AP1S3: variants seen among roughly 807,000 people sequenced by gnomAD.
AP1S3 encodes adaptor related protein complex 1 subunit sigma 3.
In AP1S3, 10 loss-of-function variants were observed where a neutral mutation model predicts 20.9. That is an observed-to-expected ratio of 0.48 (90% confidence interval 0.29 to 0.81). The LOEUF (loss-of-function observed/expected upper bound fraction) is 0.81. AP1S3 is among the 30% of genes least tolerant of loss of function. AP1S3 has a pLI of 0.08. For synonymous variants in AP1S3, 41 were observed against 61.5 expected (o/e 0.67, Z 1.56); for missense variants, 154 against 183.8 (o/e 0.84, Z 0.94).
intron 1 of AP1S3, among the ~76,000 whole-genome samples, chr2:223,785,978 A>G (rs904840323): frequency 7.2e-5 from 11 of 152,376 alleles, no homozygotes; most frequent in Admixed American, 2.6e-4. Flanking sequence ...GAGAGGAGTC[A>G]GTATAGGCTC....
At chr2:223,829,847 A>C (rs546349812) in intron 1 of AP1S3, among the ~76,000 whole-genome samples, 2 of 123,170 alleles carry the variant, frequency 1.6e-5, no homozygotes, top group African/African-American at 6.6e-5. Context: ...AAAAAAAAAC[A>C]AAAAAAAAAC....
intron 1 of AP1S3, among the ~76,000 whole-genome samples, chr2:223,827,297 A>G (rs755840714): frequency 2.0e-5 from 3 of 152,200 alleles, no homozygotes; most frequent in Non-Finnish European, 2.9e-5. Flanking sequence ...AAAAAGTTCT[A>G]TACAGACTTC....
chr2:223,818,347 G>A (rs564089487), intron 1 of AP1S3, among the ~76,000 whole-genome samples: 81 of 151,578 alleles, frequency 5.3e-4, no homozygotes, highest in African/African-American at 1.8e-3. Flanking sequence ...AGTCCAGGAG[G>A]CAGAGGTTGC....
At chr2:223,805,965 C>T (rs1300362460) in intron 1 of AP1S3, among the ~76,000 whole-genome samples, 1 of 152,138 alleles carries the variant, frequency 6.6e-6, no homozygotes, top group African/African-American at 2.4e-5. Flanking sequence ...GGAGTTGGCA[C>T]TCCACTAAGA....
chr2:223,836,733 A>C lies in AP1S3; in HGVS notation c.3+715T>G, dbSNP rs559613523. Reference sequence around the variant, plus strand: ...GACAGAGCGAGATCAGTCTCAAAAAAACAAAAGTGCACAACGGGTAAGGTC... The same window carrying C: ...GACAGAGCGAGATCAGTCTCAAAAACACAAAAGTGCACAACGGGTAAGGTC... On this transcript the variant is annotated intron_variant, in intron 1 of 4. Coordinates refer to ENST00000396654, the MANE Select transcript of AP1S3 (RefSeq NM_001039569.2). 3.9e-5 allele frequency among the ~76,000 whole-genome samples: 6 copies of C among 152,330 alleles called. No individual in the cohort carries two copies. In the East Asian group the frequency reaches 9.7e-4, roughly 25 times the overall value.
intron 1 of AP1S3, among the ~76,000 whole-genome samples, chr2:223,818,436 G>A (rs62185132): frequency 0.33 from 48,294 of 148,366 alleles, 8,196 homozygotes; most frequent in Middle Eastern, 0.42. Context: ...AAAAAAAAAT[G>A]TCCAAGGTTC....
At chr2:223,823,187 C>T (rs1692032288) in intron 1 of AP1S3, among the ~76,000 whole-genome samples, 1 of 152,074 alleles carries the variant, frequency 6.6e-6, no homozygotes, top group Non-Finnish European at 1.5e-5. Flanking sequence ...TCAAGGCCCC[C>T]CAAAAATATT....
chr2:223,815,935 C>A (rs1168595930), intron 1 of AP1S3, among the ~76,000 whole-genome samples: 1 of 152,122 alleles, frequency 6.6e-6, no homozygotes, highest in Non-Finnish European at 1.5e-5. Context: ...CACAGTGAAA[C>A]CACATCTGTA....
chr2:223,804,126 T>C (rs1691528044), intron 1 of AP1S3, among the ~76,000 whole-genome samples: 1 of 152,284 alleles, frequency 6.6e-6, no homozygotes, highest in East Asian at 1.9e-4. Flanking sequence ...CAGGTAAAGC[T>C]AGACATGTGA....
rs1690444567 is a variant in AP1S3, at chr2:223,765,087, A to G, written c.429+126T>C. 12 of 1,350,114 alleles carry G rather than the reference A, an allele frequency of 8.9e-6. No homozygotes were observed. The South Asian group carries it at 1.8e-4, about 20-fold the overall frequency. 83.6% of individuals were successfully genotyped at this position (1,350,114 alleles called of 1,614,324 possible). ...GAGGATTAAATAAGCTAATACATAT[A>G]AATAGTTTAGAAACTGTACCCAGCA... On this transcript the variant is annotated intron_variant, in intron 4 of 4. Transcript: ENST00000396654.
At chr2:223,822,000 T>C (rs1308383643) in intron 1 of AP1S3, among the ~76,000 whole-genome samples, 2 of 151,990 alleles carry the variant, frequency 1.3e-5, no homozygotes, top group Admixed American at 6.6e-5. Flanking sequence ...CACAGCTGAG[T>C]ATAGAAACGA....
At chr2:223,761,937 C>A (rs990900367) in intron 4 of AP1S3, among the ~76,000 whole-genome samples, 4 of 152,076 alleles carry the variant, frequency 2.6e-5, no homozygotes, top group Non-Finnish European at 1.5e-5. Flanking sequence ...TATTGCAAGT[C>A]CTGTGGTTAA....
intron 1 of AP1S3, among the ~76,000 whole-genome samples, chr2:223,807,128 A>T (rs1446565939): frequency 1.3e-5 from 2 of 152,036 alleles, no homozygotes; most frequent in African/African-American, 4.8e-5. Flanking sequence ...TTAGACAGGC[A>T]TGGTGGTGCA....
rs376659413 is a variant in AP1S3, at chr2:223,787,734, C to T, written c.4-9865G>A. ...TCTAGAGACTACAGCTAAGTGAAAA[C>T]GCACATGCATATGCAACACACACAC... On this transcript the variant is annotated intron_variant, in intron 1 of 4. Transcript: ENST00000396654. 5.3e-5 allele frequency among the ~76,000 whole-genome samples: 8 copies of T among 151,576 alleles called. No homozygotes were observed. The East Asian group carries it at 5.8e-4, about 11-fold the overall frequency.
chr2:223,787,221 C>A (rs1411197771), intron 1 of AP1S3, among the ~76,000 whole-genome samples: 2 of 152,192 alleles, frequency 1.3e-5, no homozygotes, highest in African/African-American at 4.8e-5. Flanking sequence ...GAGGCCTCCC[C>A]AGAAGCAGAA....
chr2:223,825,570 T>A (rs756376128), intron 1 of AP1S3, among the ~76,000 whole-genome samples: 7 of 152,280 alleles, frequency 4.6e-5, no homozygotes, highest in Non-Finnish European at 7.4e-5. Context: ...ATTATATAAT[T>A]TAACAACATA....
intron 1 of AP1S3, among the ~76,000 whole-genome samples, chr2:223,781,245 T>C (rs562858818): frequency 3.3e-5 from 5 of 152,184 alleles, no homozygotes; most frequent in East Asian, 3.9e-4. Context: ...CTATTGTGAA[T>C]AGTGAATAGG....
chr2:223,820,598 A>G (rs1017808318), intron 1 of AP1S3, among the ~76,000 whole-genome samples: 1 of 151,416 alleles, frequency 6.6e-6, no homozygotes, highest in African/African-American at 2.4e-5. Context: ...GTTTGTCCCA[A>G]GCAGCACCTA....
chr2:223,817,607 C>CAAAAAAAA (rs748661983), intron 1 of AP1S3, among the ~76,000 whole-genome samples: 19 of 81,152 alleles, frequency 2.3e-4, no homozygotes, highest in Admixed American at 7.7e-4. Context: ...GACTCCGTCT[C>CAAAAAAAA]AAAAAAAAAA....
Sources: allele counts gnomAD v4.1 joint callset (sites outside exome capture counted in the v4.1 genomes callset), GRCh38; gene constraint gnomAD v4.1.1; transcripts MANE v1.5; gene names NCBI Gene and HGNC (gene_info 2026-07-23, HGNC 2026-07-21).